PLB1: variants seen among roughly 807,000 people sequenced by gnomAD.
PLB1 encodes phospholipase B1, membrane-associated.
A neutral mutation model predicts 227.4 loss-of-function variants in PLB1; 242 were observed. That is an observed-to-expected ratio of 1.06 (90% CI 0.96 to 1.18). The LOEUF is 1.18. Ranked by LOEUF, PLB1 falls within the 50% of genes most tolerant of loss-of-function variation. PLB1 has a pLI of 0.00. For synonymous variants in PLB1, 757 were observed against 682.2 expected (o/e 1.11, Z -1.71); for missense variants, 1,858 against 1,816.3 (o/e 1.02, Z -0.42).
At chr2:28,519,225 A>G (rs918564485) in intron 3 of PLB1, among the ~76,000 whole-genome samples, 5 of 152,188 alleles carry the variant, frequency 3.3e-5, no homozygotes, top group African/African-American at 1.2e-4. Context: ...TGGCATTTGC[A>G]TACAGCTTGC....
chr2:28,532,155 T>C lies in PLB1; in HGVS notation c.516T>C (p.Ser172=). The C allele has an allele frequency of 6.2e-7, 1 of 1,613,456 alleles. No individual in the cohort carries two copies. Among genetic ancestry groups the C allele is most frequent in the South Asian group, 1.1e-5 (1 of 90,866 alleles). ...FDWKLINVFF[S]NASQCYLCPS... ...GGAAGCTCATCAATGTGTTCTTCAG[T>C]AATGCAAGCCAGTGTTACCTGTGCC... The change falls in exon 9 of 58, where the codon AGT becomes AGC. Residue 172 remains serine (S), a synonymous_variant. Transcript: ENST00000327757.
chr2:28,593,105 G>A (rs1682271164), intron 32 of PLB1, among the ~76,000 whole-genome samples: 3 of 152,160 alleles, frequency 2.0e-5, no homozygotes, highest in African/African-American at 7.2e-5. Flanking sequence ...GCATCTGCAT[G>A]GAAAGCAGCA....
intron 43 of PLB1, among the ~76,000 whole-genome samples, chr2:28,608,753 C>T (rs373388272): frequency 7.9e-5 from 12 of 152,258 alleles, no homozygotes; most frequent in African/African-American, 2.6e-4. Flanking sequence ...AAGTCACCAC[C>T]TCCCCCTTGA....
intron 9 of PLB1, among the ~76,000 whole-genome samples, chr2:28,538,047 T>C (rs7589034): frequency 0.86 from 130,838 of 152,214 alleles, 57,135 homozygotes; most frequent in East Asian, 0.99. Flanking sequence ...TTGCTCTGAC[T>C]TTGAGTTTGC....
At chr2:28,613,612 G>A (rs1997270) in intron 43 of PLB1, among the ~76,000 whole-genome samples, 64,441 of 152,032 alleles carry the variant, frequency 0.42, 14,491 homozygotes, top group East Asian at 0.88. Flanking sequence ...ACAGTTCAAA[G>A]GAGGCAGAAA....
intron 16 of PLB1, among the ~76,000 whole-genome samples, chr2:28,550,496 C>T (rs1674058573): frequency 6.7e-6 from 1 of 149,806 alleles, no homozygotes; most frequent in Admixed American, 6.7e-5. Context: ...TAAAGCAGAT[C>T]AACTGGCCAG....
intron 1 of PLB1, among the ~76,000 whole-genome samples, chr2:28,511,505 G>C (rs1417660916): frequency 6.6e-6 from 1 of 152,144 alleles, no homozygotes; most frequent in East Asian, 1.9e-4. Flanking sequence ...TCCCAACTGG[G>C]ATCATTTTCC....
At chr2:28,630,766 C>T in intron 54 of PLB1, 102 bp downstream of exon 54, 1 of 943,706 alleles carries the variant, frequency 1.1e-6, no homozygotes, top group Non-Finnish European at 1.6e-6. Context: ...AAGAGCAAGC[C>T]ACTCCCTAAA....
chr2:28,496,197 A>T (rs1666412447), intron 1 of PLB1, 28 bp downstream of exon 1: 2 of 1,610,112 alleles, frequency 1.2e-6, no homozygotes, highest in Admixed American at 1.7e-5. Context: ...TCAGAGGACA[A>T]CCAGTGGTTT....
intron 19 of PLB1, 28 bp from the exon 20 acceptor site, chr2:28,566,768 C>A (rs773415182): frequency 1.2e-6 from 2 of 1,613,444 alleles, no homozygotes; most frequent in Admixed American, 3.3e-5. Context: ...TTTAACCCTT[C>A]ATTTTCTTTC....
chr2:28,517,180 G>C (rs1668954296), intron 2 of PLB1, among the ~76,000 whole-genome samples: 2 of 152,328 alleles, frequency 1.3e-5, no homozygotes, highest in South Asian at 4.1e-4. Flanking sequence ...GAAGGAATCT[G>C]GGTGAGGTCT....
chr2:28,547,901 C>T (rs145072184), intron 14 of PLB1, among the ~76,000 whole-genome samples: 248 of 152,328 alleles, frequency 1.6e-3, no homozygotes, highest in Middle Eastern at 0.01. Context: ...GCCTTCACTT[C>T]CCTATGTCTA....
At chr2:28,549,960 G>T in intron 15 of PLB1, 50 bp from the exon 16 acceptor site, 1 of 1,480,958 alleles carries the variant, frequency 6.8e-7, no homozygotes, top group Non-Finnish European at 9.4e-7. Flanking sequence ...GATAATTAAG[G>T]GATACAGACT....
In PLB1 at chr2:28,643,221, TATGCTCCTGGAATGGATAC is replaced by T; in HGVS notation, c.*163_*181del. 1 of 612,166 alleles carries T rather than the reference TATGCTCCTGGAATGGATAC, an allele frequency of 1.6e-6. No homozygotes were observed. The highest frequency in any genetic ancestry group is 2.8e-6 in the Non-Finnish European group (1 of 356,382). The allele number at this position is 612,166 out of a possible 1,614,324, so 37.9% of individuals were successfully genotyped here. ...TTGGGGCCTGGGCTTCTTCCAGGCC[TATGCTCCTGGAATGGATAC>T]ATTTAAATAAAGTCCAAAGCTATTT... On this transcript the variant is annotated 3_prime_UTR_variant, in exon 58 of 58. Transcript: ENST00000327757.
At chr2:28,622,109 T>C (rs1259282610) in intron 49 of PLB1, among the ~76,000 whole-genome samples, 1 of 152,216 alleles carries the variant, frequency 6.6e-6, no homozygotes, top group Non-Finnish European at 1.5e-5. Context: ...AGTAATCCAT[T>C]GACTTAAGAA....
chr2:28,564,476 C>T (rs1406142822), intron 18 of PLB1, among the ~76,000 whole-genome samples: 1 of 152,240 alleles, frequency 6.6e-6, no homozygotes, highest in African/African-American at 2.4e-5. Flanking sequence ...GCTTCATACA[C>T]TGCTTATCCC....
At chr2:28,553,285 T>C (rs1429533362) in intron 17 of PLB1, among the ~76,000 whole-genome samples, 2 of 152,166 alleles carry the variant, frequency 1.3e-5, no homozygotes, top group Non-Finnish European at 2.9e-5. Flanking sequence ...CCTTGATGGG[T>C]GGATTTGTTC....
Position 28,550,004 on chromosome 2 carries a change from C to T in PLB1, c.1009-6C>T. The T allele has an allele frequency of 6.2e-7, 1 of 1,611,098 alleles. No homozygotes were observed. The highest frequency in any genetic ancestry group is 1.1e-5 in the South Asian group (1 of 90,922). On this transcript the variant is annotated splice_polypyrimidine_tract_variant and splice_region_variant and intron_variant, in intron 15 of 57. Coordinates refer to ENST00000327757, the MANE Select transcript of PLB1 (RefSeq NM_153021.5). ...CACGATTCCAACATGTCACCTTTCC[C>T]TGCAGGAGAGCCCCTATCTGTTCAG...
At chr2:28,627,820 A>G (rs575262918) in intron 51 of PLB1, among the ~76,000 whole-genome samples, 1 of 152,080 alleles carries the variant, frequency 6.6e-6, no homozygotes. Context: ...CTCAACTCCC[A>G]CTTCCTGTGG....
Sources: gnomAD v4.1 joint callset for allele counts (sites outside exome capture counted in the v4.1 genomes callset) on GRCh38, gnomAD v4.1.1 for gene constraint, MANE v1.5 for transcripts, NCBI Gene and HGNC (gene_info 2026-07-23, HGNC 2026-07-21) for gene names.